CUL4A: variants seen among roughly 807,000 people sequenced by gnomAD.
CUL4A encodes the protein cullin 4A.
A neutral mutation model predicts 95.5 loss-of-function variants in CUL4A; 16 were observed. That is an observed-to-expected ratio of 0.17 (90% CI 0.11 to 0.25). CUL4A has a LOEUF of 0.25. CUL4A is among the 10% of genes least tolerant of loss of function. The probability of loss-of-function intolerance (pLI) is 1.00; values close to 1 mark genes in which losing one functional copy is unlikely to be tolerated. For missense variants in CUL4A, 610 were observed against 937.0 expected (o/e 0.65, Z 4.56); for synonymous variants, 380 against 353.1 (o/e 1.08, Z -0.85).
chr13:113,255,025 A>G lies in CUL4A; in HGVS notation c.1931A>G (p.Lys644Arg), dbSNP rs2302757. 383,563 of 1,613,622 alleles carry G rather than the reference A, an allele frequency of 0.24. 49,981 individuals are homozygous for G. Among genetic ancestry groups the G allele is most frequent in the South Asian group, 0.41 (37,543 of 91,024 alleles). The change falls in exon 18 of 20, where the codon AAA (lysine) becomes AGA (arginine). Residue 644 changes from lysine to arginine, a missense_variant. By Grantham distance (26) the Lys-to-Arg change is conservative. This residue lies in a region of CUL4A where 72 missense variants were observed against 93.2 expected (regional missense o/e 0.77). Coordinates refer to ENST00000375440, the MANE Select transcript of CUL4A (RefSeq NM_001008895.4). ...GKARVLIKSP[K>R]GKEVEDGDKF... ...GCACGTGTGCTGATTAAAAGTCCCAAAGGAAAGGAAGTGGAAGATGGAGAC... is the reference window on the plus strand; with the variant it reads ...GCACGTGTGCTGATTAAAAGTCCCAGAGGAAAGGAAGTGGAAGATGGAGAC...
intron 3 of CUL4A, among the ~76,000 whole-genome samples, chr13:113,221,663 T>A (rs2040902702): frequency 1.3e-5 from 2 of 152,142 alleles, no homozygotes; most frequent in African/African-American, 4.8e-5. Context: ...ACTGCACCTC[T>A]CCCTCCTGGG....
intron 2 of CUL4A, among the ~76,000 whole-genome samples, chr13:113,212,256 T>C (rs2040477394): frequency 6.6e-6 from 1 of 152,210 alleles, no homozygotes; most frequent in African/African-American, 2.4e-5. Flanking sequence ...CTTCAACTTG[T>C]CTTTTGATTC....
At chr13:113,222,897 T>A (rs2040952675) in intron 3 of CUL4A, among the ~76,000 whole-genome samples, 1 of 151,910 alleles carries the variant, frequency 6.6e-6, no homozygotes, top group South Asian at 2.1e-4. Flanking sequence ...AAGACCCCCA[T>A]CTCTAAAAAG....
intron 2 of CUL4A, among the ~76,000 whole-genome samples, chr13:113,213,155 A>C (rs1197010640): frequency 6.6e-6 from 1 of 152,148 alleles, no homozygotes; most frequent in Non-Finnish European, 1.5e-5. Flanking sequence ...TGGGGGGCTG[A>C]GGTGGCCTGA....
rs771581101 is a variant in CUL4A, at chr13:113,218,906, G to A, written c.265-39G>A. 14 of 1,418,688 alleles carry A rather than the reference G, an allele frequency of 9.9e-6. No individual in the cohort carries two copies. In the South Asian group the frequency reaches 1.6e-4, roughly 16 times the overall value. 87.9% of individuals were successfully genotyped at this position (1,418,688 alleles called of 1,614,324 possible). The stretch of plus-strand genomic sequence containing the variant: ...GGGTTTTTTTATGAACCAATCTGTT[G>A]TTCATACTGAAGAATTGATGTAGCC... On this transcript the variant is annotated intron_variant, in intron 2 of 19. Coordinates refer to ENST00000375440, the MANE Select transcript of CUL4A (RefSeq NM_001008895.4).
upstream of CUL4A, chr13:113,208,286 C>G (rs578182622): frequency 7.0e-7 from 1 of 1,434,016 alleles, no homozygotes; most frequent in South Asian, 1.5e-5. Context: ...TTCGGACCGC[C>G]TGGGAGCGCG....
chr13:113,214,064 T>C (rs2040552654), intron 2 of CUL4A, among the ~76,000 whole-genome samples: 1 of 152,260 alleles, frequency 6.6e-6, no homozygotes, highest in South Asian at 2.1e-4. Context: ...GGGTGGTGTA[T>C]ACTTTGCCAA....
At position 113,266,465 on chromosome 13, in the gene CUL4A, A is replaced by G. The variant is rs954394426; in HGVS notation, c.*2883A>G. 4 of 152,264 alleles carry G rather than the reference A, an allele frequency of 2.6e-5. No individual in the cohort carries two copies. Among genetic ancestry groups the G allele is most frequent in the Admixed American group, 6.5e-5 (1 of 15,282 alleles). The allele number at this position is 152,264 out of a possible 1,614,324, so 9.4% of individuals were successfully genotyped here. ...GTTCTGTTGATTCTCACATTTTGCT[A>G]TACAGTATCTTAAGATGTAAAACCT... On this transcript the variant is annotated 3_prime_UTR_variant, in exon 20 of 20. Transcript: ENST00000375440.
At chr13:113,253,841 T>G (rs2042054904) in intron 16 of CUL4A, among the ~76,000 whole-genome samples, 1 of 152,222 alleles carries the variant, frequency 6.6e-6, no homozygotes, top group African/African-American at 2.4e-5. Flanking sequence ...GAAACGGCAA[T>G]TATATACACT....
chr13:113,209,564 C>T (rs1391227704), upstream of CUL4A: 51 of 875,294 alleles, frequency 5.8e-5, no homozygotes, highest in African/African-American at 9.0e-4. Context: ...CGGACCGGGG[C>T]GGGCGGAGCG....
chr13:113,241,658 C>G (rs2041714255), intron 10 of CUL4A, among the ~76,000 whole-genome samples: 2 of 151,980 alleles, frequency 1.3e-5, no homozygotes, highest in African/African-American at 2.4e-5. Flanking sequence ...GGATTACAGG[C>G]TCCCGCCACC....
At chr13:113,235,425 C>CA (rs2041506687) in intron 8 of CUL4A, among the ~76,000 whole-genome samples, 1 of 152,196 alleles carries the variant, frequency 6.6e-6, no homozygotes, top group Non-Finnish European at 1.5e-5. Context: ...AATGGAGTAT[C>CA]ACTGAATATT....
At chr13:113,212,338 G>A (rs1172893522) in intron 2 of CUL4A, among the ~76,000 whole-genome samples, 1 of 152,166 alleles carries the variant, frequency 6.6e-6, no homozygotes, top group East Asian at 1.9e-4. Flanking sequence ...TTCTTCTATG[G>A]ATTGTGCTTT....
chr13:113,222,308 G>T (rs922455382), intron 3 of CUL4A, among the ~76,000 whole-genome samples: 2 of 152,124 alleles, frequency 1.3e-5, no homozygotes, highest in Non-Finnish European at 2.9e-5. Context: ...GTGCACTGTG[G>T]TGTGAGGGGT....
chr13:113,222,243 G>A (rs918248924), intron 3 of CUL4A, among the ~76,000 whole-genome samples: 4 of 152,178 alleles, frequency 2.6e-5, no homozygotes, highest in African/African-American at 7.2e-5. Flanking sequence ...GAGCCAAGGT[G>A]TTCAGGCACA....
Position 113,233,945 on chromosome 13 carries a change from T to C in CUL4A, c.724T>C (p.Leu242=), listed in dbSNP as rs1346089706. 2.5e-6 allele frequency: 4 copies of C among 1,612,168 alleles called. No homozygotes were observed. The Admixed American group carries it at 6.7e-5, about 27-fold the overall frequency. ...GAAATTTTTGGAAGAGACTAATTGC[T>C]TATATGCTGCCGAAGGCCAAAGGTT... ...ELKFLEETNC[L]YAAEGQRLMQ... is the part of the protein sequence containing the mutation. Residue 242 remains leucine, a synonymous_variant, in exon 7 of 20, where the codon TTA becomes CTA. Transcript: ENST00000375440.
intron 5 of CUL4A, 32 bp from the exon 6 acceptor site, chr13:113,233,145 A>T: frequency 6.3e-7 from 1 of 1,593,376 alleles, no homozygotes; most frequent in Non-Finnish European, 8.6e-7. Flanking sequence ...AGCGAAACTA[A>T]AATGTAGTCC....
chr13:113,219,107 C>T, intron 3 of CUL4A, 59 bp downstream of exon 3: 1 of 1,044,640 alleles, frequency 9.6e-7, no homozygotes, highest in Non-Finnish European at 1.4e-6. Flanking sequence ...TAAAACTGAA[C>T]ATTATTATGA....
At chr13:113,239,381 G>C in intron 9 of CUL4A, 52 bp from the exon 10 acceptor site, 2 of 1,467,050 alleles carry the variant, frequency 1.4e-6, no homozygotes, top group Non-Finnish European at 1.9e-6. Flanking sequence ...TAGTTGAGTT[G>C]TTGTTAATGC....
Sources: gnomAD v4.1 joint callset for allele counts (sites outside exome capture counted in the v4.1 genomes callset) on GRCh38, gnomAD v4.1.1 for gene constraint, gnomAD v4.1.1 regional missense constraint, MANE v1.5 for transcripts, NCBI Gene and HGNC (gene_info 2026-07-23, HGNC 2026-07-21) for gene names.